Variants in CALN1 observed in about 807,000 individuals in gnomAD.
The protein encoded by CALN1 is calneuron 1.
CALN1 carries 17 observed loss-of-function variants against 30.6 expected under a neutral mutation model. The ratio of observed to expected loss-of-function variants is 0.56; its 90% CI spans 0.38 to 0.83. The LOEUF (loss-of-function observed/expected upper bound fraction) is 0.83. Ranked by LOEUF, CALN1 falls within the 40% of genes least tolerant of loss-of-function variation. CALN1 has a pLI of 0.00. For synonymous variants in CALN1, 156 were observed against 131.4 expected (o/e 1.19, Z -1.28); for missense variants, 291 against 354.9 (o/e 0.82, Z 1.45).
At chr7:71,986,696 A>G (rs1798690003) in intron 5 of CALN1, among the ~76,000 whole-genome samples, 1 of 151,898 alleles carries the variant, frequency 6.6e-6, no homozygotes. Flanking sequence ...CAGATCTACA[A>G]TATTTCACCT....
intron 3 of CALN1, among the ~76,000 whole-genome samples, chr7:72,106,706 GAGGGAGGGAGGAAGGGAGGGAGGGAGGA>G (rs1807152978): frequency 6.6e-5 from 1 of 15,218 alleles, no homozygotes; most frequent in Non-Finnish European, 1.2e-4. Flanking sequence ...GGGAGGAAGG[GAGGGAGGGAGGAAGGGAGGGAGGGAGGA>G]AGGGAGGGAG....
At chr7:72,418,128 C>T (rs1017372930) in intron 1 of CALN1, among the ~76,000 whole-genome samples, 2 of 151,726 alleles carry the variant, frequency 1.3e-5, no homozygotes, top group Admixed American at 1.3e-4. Context: ...CCTCTTCCCT[C>T]TCTAGTAGCC....
chr7:72,049,432 T>C (rs1802691233), intron 4 of CALN1, among the ~76,000 whole-genome samples: 1 of 152,172 alleles, frequency 6.6e-6, no homozygotes, highest in Non-Finnish European at 1.5e-5. Context: ...TAAGCAAATA[T>C]TAATAACATC....
intron 2 of CALN1, among the ~76,000 whole-genome samples, chr7:72,315,598 G>C (rs193290496): frequency 6.6e-6 from 1 of 151,902 alleles, no homozygotes; most frequent in Non-Finnish European, 1.5e-5. Flanking sequence ...CCAGCTACTC[G>C]GGAGGCTGAG....
At chr7:71,792,004 G>C (rs186842839) in intron 6 of CALN1, among the ~76,000 whole-genome samples, 11 of 149,274 alleles carry the variant, frequency 7.4e-5, no homozygotes, top group East Asian at 2.0e-4. Flanking sequence ...GCGAGACTCC[G>C]TCTCAAAAAA....
chr7:72,032,284 G>A (rs1407812667), intron 4 of CALN1, among the ~76,000 whole-genome samples: 1 of 150,132 alleles, frequency 6.7e-6, no homozygotes, highest in East Asian at 2.0e-4. Flanking sequence ...CTGACCTCGT[G>A]ATCCGCCCGC....
At chr7:72,156,430 G>A (rs530433405) in intron 3 of CALN1, among the ~76,000 whole-genome samples, 2 of 152,250 alleles carry the variant, frequency 1.3e-5, no homozygotes, top group South Asian at 4.1e-4. Context: ...CCCAAATGTG[G>A]GCACCTGATG....
intron 5 of CALN1, among the ~76,000 whole-genome samples, chr7:71,865,752 T>C (rs78336459): frequency 0.018 from 2,714 of 152,318 alleles, 80 homozygotes; most frequent in East Asian, 0.11. Flanking sequence ...ATTGAGTTTA[T>C]TTATAGTTAA....
At chr7:72,347,243 T>C (rs1362910792) in intron 2 of CALN1, among the ~76,000 whole-genome samples, 1 of 151,524 alleles carries the variant, frequency 6.6e-6, no homozygotes, top group Non-Finnish European at 1.5e-5. Flanking sequence ...TTTCTTTTTT[T>C]TTTTCCTTTT....
intron 5 of CALN1, among the ~76,000 whole-genome samples, chr7:71,911,478 C>T (rs1794421608): frequency 6.6e-6 from 1 of 151,962 alleles, no homozygotes; most frequent in Admixed American, 6.6e-5. Flanking sequence ...TTTATTTGCC[C>T]GTCAGCTTAG....
intron 5 of CALN1, among the ~76,000 whole-genome samples, chr7:71,897,179 C>T (rs1455045670): frequency 6.6e-6 from 1 of 152,204 alleles, no homozygotes; most frequent in African/African-American, 2.4e-5. Context: ...GTGAGTCCAG[C>T]ATCACAGGCC....
intron 3 of CALN1, among the ~76,000 whole-genome samples, chr7:72,138,466 T>C (rs1035167777): frequency 3.3e-5 from 5 of 152,210 alleles, no homozygotes; most frequent in Non-Finnish European, 7.3e-5. Flanking sequence ...TTTCACAAAA[T>C]TCAAAGCTTC....
intron 5 of CALN1, among the ~76,000 whole-genome samples, chr7:71,957,462 A>G (rs993510926): frequency 5.9e-5 from 9 of 152,152 alleles, no homozygotes; most frequent in African/African-American, 2.2e-4. Flanking sequence ...TCTGCAAAAA[A>G]TCAAACCCCA....
rs1793044412 is a variant in CALN1 at position 71,787,512 on chromosome 7, T to C, written c.*263A>G. ...GAGTTATGACTGATGGTTGAAGCAA[T>C]AATTTGGAAATCCTGGCGATTTATT... On this transcript the variant is annotated 3_prime_UTR_variant, in exon 7 of 7. Coordinates refer to ENST00000395275, the MANE Select transcript of CALN1 (RefSeq NM_031468.4). 1.0e-5 allele frequency: 4 copies of C among 392,058 alleles called. No individual in the cohort carries two copies. The Admixed American group carries it at 1.1e-4, about 11-fold the overall frequency. 24.3% of individuals were successfully genotyped at this position (392,058 alleles called of 1,614,324 possible).
At chr7:72,118,199 T>C (rs368019231) in intron 3 of CALN1, among the ~76,000 whole-genome samples, 1 of 152,212 alleles carries the variant, frequency 6.6e-6, no homozygotes, top group Admixed American at 6.5e-5. Flanking sequence ...GCTATCATTC[T>C]TAAAGAAGGG....
chr7:72,236,578 G>A (rs1794486199), intron 3 of CALN1, among the ~76,000 whole-genome samples: 1 of 152,168 alleles, frequency 6.6e-6, no homozygotes, highest in South Asian at 2.1e-4. Flanking sequence ...AAAAGTTCAG[G>A]GTTGCAGAAT....
In CALN1 at chr7:71,785,418, C is replaced by T. The variant is rs528263949; in HGVS notation, c.*2357G>A. ...CCTCACCTCTTGAAGGGTCTCTGTTCTCCAGCAGGAGGCAGAAGAACTCGC... is the reference window on the plus strand; with the variant it reads ...CCTCACCTCTTGAAGGGTCTCTGTTTTCCAGCAGGAGGCAGAAGAACTCGC... On this transcript the variant is annotated 3_prime_UTR_variant, in exon 7 of 7. Coordinates refer to ENST00000395275, the MANE Select transcript of CALN1 (RefSeq NM_031468.4). 6.6e-6 allele frequency: 1 copy of T among 152,384 alleles called. No homozygotes were observed. 9.4% of individuals were successfully genotyped at this position (152,384 alleles called of 1,614,324 possible). A position where few individuals can be genotyped will look rare whatever the true frequency, so the allele number is the denominator to read the frequency against.
chr7:71,933,434 C>G (rs931493905), intron 5 of CALN1, among the ~76,000 whole-genome samples: 9 of 152,162 alleles, frequency 5.9e-5, no homozygotes, highest in Non-Finnish European at 1.0e-4. Context: ...GGGAGCTGTT[C>G]TCCTTTCTCT....
the CALN1 span, among the ~76,000 whole-genome samples, chr7:72,461,679 A>G: frequency 6.6e-6 from 1 of 152,304 alleles, no homozygotes; most frequent in South Asian, 2.1e-4. Context: ...CTACTCTAAC[A>G]ACAAACCTGT....
Sources: gnomAD v4.1 joint callset for allele counts (sites outside exome capture counted in the v4.1 genomes callset) on GRCh38, gnomAD v4.1.1 for gene constraint, MANE v1.5 for transcripts, NCBI Gene and HGNC (gene_info 2026-07-23, HGNC 2026-07-21) for gene names.